SLC9A4: variants seen among roughly 807,000 people sequenced by gnomAD.
SLC9A4 encodes the protein sodium/hydrogen exchanger 4.
A neutral mutation model predicts 67.4 loss-of-function variants in SLC9A4; 63 were observed. The ratio of observed to expected loss-of-function variants is 0.93; its 90% CI spans 0.76 to 1.15. The LOEUF (loss-of-function observed/expected upper bound fraction) is 1.15. Ranked by LOEUF, SLC9A4 falls within the 50% of genes most tolerant of loss-of-function variation. The probability of loss-of-function intolerance (pLI) is 0.00; values close to 1 mark genes in which losing one functional copy is unlikely to be tolerated. For synonymous variants in SLC9A4, 393 were observed against 367.2 expected, an observed-to-expected ratio of 1.07 and a Z score of -0.80; for missense variants, 1,089 against 987.7, an observed-to-expected ratio of 1.10 and a Z score of -1.38.
chr2:102,512,996 C>A (rs1685196931), intron 7 of SLC9A4, among the ~76,000 whole-genome samples: 1 of 152,004 alleles, frequency 6.6e-6, no homozygotes, highest in Non-Finnish European at 1.5e-5. Flanking sequence ...GAGGACCCAG[C>A]ACGTCAGGAG....
intron 6 of SLC9A4, among the ~76,000 whole-genome samples, chr2:102,511,102 A>G (rs998709585): frequency 2.0e-5 from 3 of 152,200 alleles, no homozygotes; most frequent in Non-Finnish European, 4.4e-5. Context: ...GTTGAACTTG[A>G]AAAATTTTAG....
intron 6 of SLC9A4, among the ~76,000 whole-genome samples, chr2:102,509,867 A>C (rs955641018): frequency 1.3e-5 from 2 of 152,210 alleles, no homozygotes; most frequent in Admixed American, 1.3e-4. Flanking sequence ...GGAAGAAAAA[A>C]AGGAGTCATC....
chr2:102,502,484 A>G (rs971310973), intron 2 of SLC9A4, among the ~76,000 whole-genome samples: 2 of 152,250 alleles, frequency 1.3e-5, no homozygotes, highest in African/African-American at 4.8e-5. Context: ...TGTATTAACT[A>G]TAATAAAGGC....
At chr2:102,524,950 T>G in intron 9 of SLC9A4, 74 bp from the exon 10 acceptor site, 2 of 1,578,468 alleles carry the variant, frequency 1.3e-6, no homozygotes, top group Middle Eastern at 1.7e-4. Flanking sequence ...AGGTTCCTGA[T>G]GTTTCCATGG....
chr2:102,495,269 A>G (rs1331611397), intron 2 of SLC9A4, among the ~76,000 whole-genome samples: 1 of 152,128 alleles, frequency 6.6e-6, no homozygotes, highest in Non-Finnish European at 1.5e-5. Context: ...CTTTTAAATA[A>G]CATTAAAAAG....
rs59734507 is a variant in SLC9A4, at chr2:102,514,523, G to A, written c.1721+272G>A. 9.9e-3 allele frequency among the ~76,000 whole-genome samples: 1,513 copies of A among 152,308 alleles called. 25 individuals carry two copies. The highest frequency in any genetic ancestry group is 0.034 in the African/African-American group (1,404 of 41,564). ...TTGGGAGGGAAGGGCAAGCGAATGT[G>A]TAGAATTGCAGCATATTTTACAAGA... On this transcript the variant is annotated intron_variant, in intron 8 of 11. Coordinates refer to ENST00000295269, the MANE Select transcript of SLC9A4 (RefSeq NM_001011552.4).
intron 1 of SLC9A4, among the ~76,000 whole-genome samples, chr2:102,475,788 G>A (rs1418469943): frequency 6.6e-6 from 1 of 152,142 alleles, no homozygotes; most frequent in Admixed American, 6.5e-5. Context: ...TATACTATGT[G>A]CCAATTACTG....
chr2:102,490,358 C>A (rs1369949700), intron 2 of SLC9A4, among the ~76,000 whole-genome samples: 1 of 152,220 alleles, frequency 6.6e-6, no homozygotes, highest in South Asian at 2.1e-4. Flanking sequence ...AGTCCAAGAA[C>A]AAGATGTGGG....
Position 102,533,893 on chromosome 2 carries a change from T to C in SLC9A4, c.*1205T>C, listed in dbSNP as rs1674831536. 5 of 151,264 alleles carry C rather than the reference T, an allele frequency of 3.3e-5. No individual in the cohort carries two copies. The highest frequency in any genetic ancestry group is 2.1e-4 in the South Asian group (1 of 4,758). The allele number at this position is 151,264 out of a possible 1,614,324, so 9.4% of individuals were successfully genotyped here. A position where few individuals can be genotyped will look rare whatever the true frequency, so the allele number is the denominator to read the frequency against. On this transcript the variant is annotated 3_prime_UTR_variant, in exon 12 of 12. Transcript: ENST00000295269. ...CACATTTTCTTAATCCAGTCTATCA[T>C]TGTTGGACATTTGGGTTGGTTCCAA...
intron 5 of SLC9A4, 82 bp from the exon 6 acceptor site, chr2:102,508,764 TA>T: frequency 1.0e-6 from 1 of 1,002,450 alleles, no homozygotes; most frequent in Non-Finnish European, 1.5e-6. Flanking sequence ...TTGGACATTC[TA>T]ATAGTTTTGT....
At position 102,532,678 on chromosome 2, in the gene SLC9A4, A is replaced by G. The variant is rs1674804354; in HGVS notation, c.2387A>G (p.Gln796Arg). The G allele has an allele frequency of 6.5e-7, 1 of 1,542,480 alleles. No individual in the cohort carries two copies. The highest frequency in any genetic ancestry group is 8.9e-7 in the Non-Finnish European group (1 of 1,129,684). The change falls in exon 12 of 12, where the codon CAA becomes CGA. Residue 796 changes from glutamine to arginine, a missense_variant. By Grantham distance (43) the Gln-to-Arg change is conservative. Coordinates refer to ENST00000295269, the MANE Select transcript of SLC9A4 (RefSeq NM_001011552.4). The part of the protein sequence containing the change: ...DHHRSHSPLL[Q>R]KK ...CACAGGTCCCATAGTCCTTTGCTCC[A>G]AAAAAAATAGTGTTATTGTCCACAA...
Position 102,519,926 on chromosome 2 carries a change from A to C in SLC9A4, c.1789A>C (p.Thr597Pro). The change falls in exon 9 of 12, where the codon ACA becomes CCA. Residue 597 changes from threonine (T) to proline (P), a missense_variant. Coordinates refer to ENST00000295269, the MANE Select transcript of SLC9A4 (RefSeq NM_001011552.4). Reference sequence around the variant, plus strand: ...TGTGGAGTCCATAAGGGACATTCTGACATCCAACATGTACCAAGTTCGGCA... The same window carrying C: ...TGTGGAGTCCATAAGGGACATTCTGCCATCCAACATGTACCAAGTTCGGCA... ...EDVESIRDILTSNMYQVRQRT... is the reference protein window; with the variant it reads ...EDVESIRDILPSNMYQVRQRT... The C allele has an allele frequency of 6.2e-7, 1 of 1,613,748 alleles. No homozygotes were observed. The highest frequency in any genetic ancestry group is 8.5e-7 in the Non-Finnish European group (1 of 1,179,696).
intron 10 of SLC9A4, among the ~76,000 whole-genome samples, chr2:102,525,976 C>T (rs1348087945): frequency 6.6e-6 from 1 of 152,152 alleles, no homozygotes; most frequent in African/African-American, 2.4e-5. Flanking sequence ...AAACCTCTGT[C>T]TCCCGGGTTC....
At chr2:102,476,922 T>G (rs555712875) in intron 1 of SLC9A4, among the ~76,000 whole-genome samples, 227 of 152,284 alleles carry the variant, frequency 1.5e-3, no homozygotes, top group African/African-American at 4.9e-3. Flanking sequence ...GAAGAGGTGC[T>G]TACACCAACC....
intron 2 of SLC9A4, among the ~76,000 whole-genome samples, chr2:102,489,152 A>T (rs1030025): frequency 0.25 from 38,030 of 152,080 alleles, 5,601 homozygotes; most frequent in African/African-American, 0.41. Context: ...CATGCAGGTG[A>T]ACTGACACTA....
intron 1 of SLC9A4, among the ~76,000 whole-genome samples, chr2:102,477,151 G>T (rs745334144): frequency 6.6e-6 from 1 of 152,148 alleles, no homozygotes; most frequent in Non-Finnish European, 1.5e-5. Flanking sequence ...TTGAATTCAA[G>T]GTCTTCCATT....
chr2:102,489,478 T>A (rs1684654614), intron 2 of SLC9A4, among the ~76,000 whole-genome samples: 1 of 152,230 alleles, frequency 6.6e-6, no homozygotes, highest in South Asian at 2.1e-4. Context: ...AGCTATGAAC[T>A]ATGGCAATCC....
At chr2:102,496,182 G>C (rs7591872) in intron 2 of SLC9A4, among the ~76,000 whole-genome samples, 116,905 of 151,946 alleles carry the variant, frequency 0.77, 46,077 homozygotes, top group African/African-American at 0.91. Context: ...CTCAATAAGG[G>C]TATAAACAGC....
In SLC9A4 at chr2:102,505,385, G is replaced by C. The variant is rs1412849645; in HGVS notation, c.1112G>C (p.Gly371Ala). Residue 371 changes from glycine to alanine, a missense_variant, in exon 4 of 12, where the codon GGT (glycine) becomes GCT (alanine). Physicochemically the swap from Gly to Ala is moderately conservative, Grantham distance 60. Transcript: ENST00000295269. ...GAGACCTTGATCTTCATCTTCATGG[G>C]TGTGTCCACTGTGGGCAAGAATCAC... is the stretch of plus-strand genomic sequence containing the variant. ...VSETLIFIFM[G>A]VSTVGKNHEW... 4 of 1,614,094 alleles carry C rather than the reference G, an allele frequency of 2.5e-6. No individual in the cohort carries two copies. The highest frequency in any genetic ancestry group is 3.4e-6 in the Non-Finnish European group (4 of 1,180,036).
Sources: gnomAD v4.1 joint callset for allele counts (sites outside exome capture counted in the v4.1 genomes callset) on GRCh38, gnomAD v4.1.1 for gene constraint, MANE v1.5 for transcripts, NCBI Gene and HGNC (gene_info 2026-07-23, HGNC 2026-07-21) for gene names.